The following CIMAP1D variants were observed in gnomAD, a reference collection of about 807,000 sequenced individuals.
The protein encoded by CIMAP1D is protein CIMAP1D.
At chr19:485,675 C>T in the CIMAP1D span, among the ~76,000 whole-genome samples, 10 of 152,322 alleles carry the variant, frequency 6.6e-5, no homozygotes, top group South Asian at 2.1e-4. Context: ...CCCAAGTTCC[C>T]GACATTCTTT....
chr19:485,149 G>A, the CIMAP1D span, among the ~76,000 whole-genome samples: 5 of 152,224 alleles, frequency 3.3e-5, no homozygotes, highest in Non-Finnish European at 5.9e-5. Context: ...GGACCCTGCT[G>A]ACCTGCTTAG....
the CIMAP1D span, chr19:467,657 T>TTGGCC: frequency 6.2e-7 from 1 of 1,611,002 alleles, no homozygotes. Context: ...ACCCCGAGAC[T>TTGGCC]TGGCCCGGCC....
At chr19:485,881 GC>G in the CIMAP1D span, among the ~76,000 whole-genome samples, 1 of 152,224 alleles carries the variant, frequency 6.6e-6, no homozygotes, top group Admixed American at 6.5e-5. Context: ...TCCGTGATCT[GC>G]CACTCCCCAC....
chr19:489,865 G>A, the CIMAP1D span: 1 of 382,744 alleles, frequency 2.6e-6, no homozygotes. Context: ...CCGGCCTGCA[G>A]GCGAGAACCC....
At chr19:477,498 C>T in the CIMAP1D span, among the ~76,000 whole-genome samples, 4 of 149,348 alleles carry the variant, frequency 2.7e-5, no homozygotes, top group African/African-American at 1.0e-4. Flanking sequence ...CGCTTGAACC[C>T]GCTTGAACCC....
At chr19:464,505 C>A in the CIMAP1D span, 1 of 672,224 alleles carries the variant, frequency 1.5e-6, no homozygotes, top group Non-Finnish European at 2.6e-6. Context: ...CTTCCCCATC[C>A]TCCATACACA....
At chr19:491,045 G>A in the CIMAP1D span, among the ~76,000 whole-genome samples, 1 of 151,818 alleles carries the variant, frequency 6.6e-6, no homozygotes, top group African/African-American at 2.4e-5. Context: ...GCAGTGAGCT[G>A]AGATCGTGCC....
the CIMAP1D span, among the ~76,000 whole-genome samples, chr19:470,081 G>A: frequency 3.3e-5 from 5 of 152,060 alleles, no homozygotes; most frequent in African/African-American, 1.2e-4. Flanking sequence ...GCCTACCCTG[G>A]GCCTTCAGCA....
chr19:482,423 T>A, the CIMAP1D span, among the ~76,000 whole-genome samples: 1 of 152,308 alleles, frequency 6.6e-6, no homozygotes, highest in East Asian at 1.9e-4. Context: ...CTTGGCTATG[T>A]CTGGAGACAT....
chr19:486,117 G>A, the CIMAP1D span, among the ~76,000 whole-genome samples: 1 of 152,224 alleles, frequency 6.6e-6, no homozygotes, highest in African/African-American at 2.4e-5. Flanking sequence ...CTCAGGCTCT[G>A]CTGGGCACCC....
At chr19:469,664 C>T in the CIMAP1D span, among the ~76,000 whole-genome samples, 218 of 152,154 alleles carry the variant, frequency 1.4e-3, 1 homozygote, top group South Asian at 2.7e-3. Flanking sequence ...GCACTCCAGC[C>T]TGGGCGATAG....
At chr19:477,812 G>A in the CIMAP1D span, among the ~76,000 whole-genome samples, 8 of 152,246 alleles carry the variant, frequency 5.3e-5, no homozygotes, top group Admixed American at 3.3e-4. Flanking sequence ...GCAGACACGC[G>A]CCACGCCACG....
chr19:470,355 C>T, the CIMAP1D span, among the ~76,000 whole-genome samples: 6 of 147,222 alleles, frequency 4.1e-5, no homozygotes, highest in Non-Finnish European at 7.5e-5. Context: ...TATAGGCGCC[C>T]GCCACCACGC....
the CIMAP1D span, among the ~76,000 whole-genome samples, chr19:485,451 T>C: frequency 6.6e-6 from 1 of 152,360 alleles, no homozygotes; most frequent in Non-Finnish European, 1.5e-5. Flanking sequence ...ACATGACTGC[T>C]GTGGCTGCTG....
At chr19:478,798 G>A in the CIMAP1D span, among the ~76,000 whole-genome samples, 2 of 152,282 alleles carry the variant, frequency 1.3e-5, no homozygotes, top group African/African-American at 2.4e-5. Flanking sequence ...GTCACTGCCC[G>A]GCCTGGGTGT....
the CIMAP1D span, chr19:463,495 C>T: frequency 2.7e-6 from 1 of 363,654 alleles, no homozygotes; most frequent in East Asian, 6.2e-5. Flanking sequence ...GATCCAGGCC[C>T]TAGTGGAGCT....
the CIMAP1D span, chr19:489,536 A>G: frequency 6.5e-6 from 1 of 153,078 alleles, no homozygotes; most frequent in African/African-American, 2.4e-5. Context: ...TGCAGAGCCG[A>G]GGGCCTTGGC....
chr19:481,425 A>AGAAGGATGATGGG, the CIMAP1D span, among the ~76,000 whole-genome samples: 1 of 43,284 alleles, frequency 2.3e-5, no homozygotes, highest in African/African-American at 2.0e-4. Flanking sequence ...AGGATGATGG[A>AGAAGGATGATGGG]GAAGGATGAT....
the CIMAP1D span, among the ~76,000 whole-genome samples, chr19:484,139 C>CTTTTTTTTTTTTT: frequency 3.9e-5 from 5 of 129,448 alleles, no homozygotes; most frequent in Admixed American, 8.0e-5. Context: ...TTTTCTTTTT[C>CTTTTTTTTTTTTT]TTTTTTTTTT....
Sources: gnomAD v4.1 joint callset for allele counts (sites outside exome capture counted in the v4.1 genomes callset) on GRCh38, gnomAD v4.1.1 for gene constraint, MANE v1.5 for transcripts, NCBI Gene and HGNC (gene_info 2026-07-23, HGNC 2026-07-21) for gene names.